The following COPS2 variants were observed in gnomAD, a reference collection of about 807,000 sequenced individuals.
COPS2 encodes COP9 signalosome subunit 2, also known as COP9 signalosome complex subunit 2.
A neutral mutation model predicts 66.1 loss-of-function variants in COPS2; 10 were observed. The observed-to-expected ratio is 0.15, with a 90% confidence interval of 0.09 to 0.26. COPS2 has a LOEUF of 0.26. COPS2 is among the 10% of genes least tolerant of loss of function. The pLI is 1.00. For missense variants in COPS2, 215 were observed against 513.3 expected, an observed-to-expected ratio of 0.42 and a Z score of 5.62; for synonymous variants, 179 against 171.3, an observed-to-expected ratio of 1.04 and a Z score of -0.35.
chr15:49,142,074 T>C (rs2084293255), intron 3 of COPS2, among the ~76,000 whole-genome samples: 1 of 152,212 alleles, frequency 6.6e-6, no homozygotes, highest in Non-Finnish European at 1.5e-5. Context: ...GCCTTCTAAG[T>C]TATTAATCTG....
intron 1 of COPS2, among the ~76,000 whole-genome samples, chr15:49,152,736 T>A (rs11636252): frequency 2.0e-5 from 3 of 152,020 alleles, no homozygotes; most frequent in Non-Finnish European, 4.4e-5. Context: ...GGCAGGAGAA[T>A]CGCTCGAACC....
chr15:49,155,013 A>T (rs1007616358), intron 1 of COPS2, among the ~76,000 whole-genome samples: 1 of 152,206 alleles, frequency 6.6e-6, no homozygotes, highest in Non-Finnish European at 1.5e-5. Flanking sequence ...AAGACTATTT[A>T]AGCTATGTCT....
intron 9 of COPS2, among the ~76,000 whole-genome samples, chr15:49,133,082 G>A (rs988068711): frequency 3.4e-5 from 5 of 146,982 alleles, no homozygotes; most frequent in African/African-American, 1.3e-4. Context: ...TCTGCCTCCC[G>A]GGTTCATGCC....
chr15:49,136,051 C>T (rs984937829), intron 6 of COPS2, among the ~76,000 whole-genome samples: 6 of 152,094 alleles, frequency 3.9e-5, no homozygotes, highest in South Asian at 2.1e-4. Flanking sequence ...AGAAATAATT[C>T]CTAAGTGACT....
chr15:49,134,985 C>T (rs1166570227), intron 6 of COPS2, among the ~76,000 whole-genome samples: 1 of 152,026 alleles, frequency 6.6e-6, no homozygotes, highest in Non-Finnish European at 1.5e-5. Flanking sequence ...CTATTAACAA[C>T]GTTAAGTGAA....
rs2141118725 is a variant in COPS2 at position 49,123,252 on chromosome 15, T to A, written c.*4698A>T. On this transcript the variant is annotated 3_prime_UTR_variant, in exon 13 of 13. Transcript: ENST00000388901. ...ATGGGATGACGCTAGAGATTACTTTTTCTAAACTCTAAACTCCCATAAAAT... is the reference window on the plus strand; with the variant it reads ...ATGGGATGACGCTAGAGATTACTTTATCTAAACTCTAAACTCCCATAAAAT... 6.6e-6 allele frequency: 1 copy of A among 152,306 alleles called. No homozygotes were observed. Among genetic ancestry groups the A allele is most frequent in the African/African-American group, 2.4e-5 (1 of 41,572 alleles). The allele number at this position is 152,306 out of a possible 1,614,324, so 9.4% of individuals were successfully genotyped here.
chr15:49,153,194 G>A lies in COPS2; in HGVS notation c.54+2331C>T, dbSNP rs571930732. Among the ~76,000 whole-genome samples, 14 of 152,306 alleles carry A rather than the reference G, an allele frequency of 9.2e-5. 1 individual carries two copies. The highest frequency in any genetic ancestry group is 2.9e-4 in the African/African-American group (12 of 41,568). ...TAGTCTCAGCTACTTAAGAGGCTGA[G>A]GCGGGATGATTGGTTGGGCCCAGGA... On this transcript the variant is annotated intron_variant, in intron 1 of 12. Transcript: ENST00000388901.
At chr15:49,155,305 G>A (rs1484407146) in intron 1 of COPS2, among the ~76,000 whole-genome samples, 1 of 152,242 alleles carries the variant, frequency 6.6e-6, no homozygotes, top group Non-Finnish European at 1.5e-5. Flanking sequence ...CAAGGCCCGG[G>A]GCCCCCTTCG....
chr15:49,134,291 C>A (rs754905104), intron 7 of COPS2, 49 bp downstream of exon 7: 7 of 1,569,204 alleles, frequency 4.5e-6, no homozygotes, highest in Non-Finnish European at 6.1e-6. Flanking sequence ...TAATTAAACA[C>A]TTTGATATCT....
chr15:49,148,632 G>T (rs977090334), intron 1 of COPS2, among the ~76,000 whole-genome samples: 7 of 152,184 alleles, frequency 4.6e-5, no homozygotes, highest in Non-Finnish European at 1.0e-4. Context: ...GCCTCTAAAA[G>T]ATTTTACAAG....
rs891459160 is a variant in COPS2 at position 49,126,723 on chromosome 15, C to T, written c.*1227G>A. On this transcript the variant is annotated 3_prime_UTR_variant, in exon 13 of 13. Transcript: ENST00000388901. Reference sequence around the variant, plus strand: ...AGTATACTGCCACTGCTCAAAAAACCTTTAAAACTCTTTTGGGATTGCCTT... The same window carrying T: ...AGTATACTGCCACTGCTCAAAAAACTTTTAAAACTCTTTTGGGATTGCCTT... The T allele has an allele frequency of 1.4e-4, 22 of 152,102 alleles. No homozygotes were observed. The highest frequency in any genetic ancestry group is 5.3e-4 in the African/African-American group (22 of 41,430). 9.4% of individuals were successfully genotyped at this position (152,102 alleles called of 1,614,324 possible).
chr15:49,134,544 A>T (rs1193155416), intron 6 of COPS2, 30 bp from the exon 7 acceptor site: 1 of 1,537,784 alleles, frequency 6.5e-7, no homozygotes, highest in South Asian at 1.2e-5. Context: ...ACTTTAGACA[A>T]GATAGAATTC....
intron 9 of COPS2, among the ~76,000 whole-genome samples, chr15:49,133,189 C>T (rs1228888408): frequency 1.3e-5 from 2 of 152,056 alleles, no homozygotes; most frequent in African/African-American, 2.4e-5. Flanking sequence ...GGGGTTTCAC[C>T]GTGTTAGCCA....
intron 3 of COPS2, among the ~76,000 whole-genome samples, chr15:49,142,845 C>T (rs903203845): frequency 6.6e-6 from 1 of 151,826 alleles, no homozygotes; most frequent in African/African-American, 2.4e-5. Context: ...AACCAAATGA[C>T]AGTCACCATT....
rs2084231705 is a variant in COPS2 at position 49,133,665 on chromosome 15, G to A, written c.947+94C>T. The A allele has an allele frequency of 1.4e-5, 11 of 763,894 alleles. No homozygotes were observed. The South Asian group carries it at 1.9e-4, about 13-fold the overall frequency. 47.3% of individuals were successfully genotyped at this position (763,894 alleles called of 1,614,324 possible). On this transcript the variant is annotated intron_variant, in intron 9 of 12. Coordinates refer to ENST00000388901, the MANE Select transcript of COPS2 (RefSeq NM_004236.4). Reference sequence around the variant, plus strand: ...TCTAAGAAAATACAAAAGGGCAAATGTTGAATATTAACTGAGTTCTGAAAA... The same window carrying A: ...TCTAAGAAAATACAAAAGGGCAAATATTGAATATTAACTGAGTTCTGAAAA...
chr15:49,139,173 C>A (rs1279373582), intron 4 of COPS2: 1 of 163,704 alleles, frequency 6.1e-6, no homozygotes, highest in South Asian at 1.7e-4. Context: ...ACACAAATAA[C>A]CTGTGATTCA....
At chr15:49,150,941 G>C (rs903613010) in intron 1 of COPS2, among the ~76,000 whole-genome samples, 1 of 152,048 alleles carries the variant, frequency 6.6e-6, no homozygotes, top group African/African-American at 2.4e-5. Flanking sequence ...TATATATTAA[G>C]ACAAGAAGAA....
intron 1 of COPS2, among the ~76,000 whole-genome samples, chr15:49,149,065 A>T (rs919147314): frequency 2.0e-5 from 3 of 152,186 alleles, no homozygotes; most frequent in African/African-American, 7.2e-5. Context: ...ACAAATGAAG[A>T]GGTTAAGCAA....
rs1415078380 is a variant in COPS2, at chr15:49,126,861, A to AT, written c.*1088dup. On this transcript the variant is annotated 3_prime_UTR_variant, in exon 13 of 13. Transcript: ENST00000388901. The stretch of plus-strand genomic sequence containing the variant: ...AAATAATCAAGCTTCCTAATACTAT[A>AT]TTTTTTAAAACAATGTATAATCATA... 1.3e-5 allele frequency: 2 copies of AT among 152,256 alleles called. No individual in the cohort carries two copies. Among genetic ancestry groups the AT allele is most frequent in the African/African-American group, 4.8e-5 (2 of 41,568 alleles). The allele number at this position is 152,256 out of a possible 1,614,324, so 9.4% of individuals were successfully genotyped here.
Sources: allele counts gnomAD v4.1 joint callset (sites outside exome capture counted in the v4.1 genomes callset), GRCh38; gene constraint gnomAD v4.1.1; transcripts MANE v1.5; gene names NCBI Gene and HGNC (gene_info 2026-07-23, HGNC 2026-07-21).